The following DAPK1 variants were observed in gnomAD, a reference collection of about 807,000 sequenced individuals.
The protein encoded by DAPK1 is death associated protein kinase 1.
In DAPK1, 56 loss-of-function variants were observed where a neutral mutation model predicts 144.9. The observed-to-expected ratio is 0.39, with a 90% CI of 0.31 to 0.48. DAPK1 has a LOEUF of 0.48. DAPK1 is among the 20% of genes least tolerant of loss of function. The pLI is 0.95. For synonymous variants in DAPK1, 690 were observed against 749.0 expected, an observed-to-expected ratio of 0.92 and a Z score of 1.29; for missense variants, 1,454 against 1,875.4, an observed-to-expected ratio of 0.78 and a Z score of 4.15.
At chr9:87,534,083 AATT>A (rs895989781) in intron 2 of DAPK1, among the ~76,000 whole-genome samples, 8 of 146,546 alleles carry the variant, frequency 5.5e-5, no homozygotes, top group African/African-American at 2.0e-4. Context: ...ATCCTGTGGG[AATT>A]ATTATTCCAA....
intron 2 of DAPK1, among the ~76,000 whole-genome samples, chr9:87,542,363 C>T (rs1351146092): frequency 6.6e-6 from 1 of 152,158 alleles, no homozygotes; most frequent in East Asian, 1.9e-4. Flanking sequence ...GCCCATTTTA[C>T]AGATGAGGAA....
chr9:87,574,446 AT>A (rs1461962001), intron 2 of DAPK1, among the ~76,000 whole-genome samples: 2 of 152,214 alleles, frequency 1.3e-5, no homozygotes, highest in African/African-American at 4.8e-5. Flanking sequence ...CTTCCCAGCC[AT>A]TTTATATATA....
chr9:87,683,081 A>ATTTTT (rs1824699804), intron 20 of DAPK1, among the ~76,000 whole-genome samples: 2 of 109,460 alleles, frequency 1.8e-5, no homozygotes, highest in African/African-American at 5.9e-5. Flanking sequence ...AATTTATTTT[A>ATTTTT]TTTATTTTTT....
At chr9:87,498,135 C>G (rs1824248455) in intron 1 of DAPK1, 28 bp downstream of exon 1, 1 of 396,892 alleles carries the variant, frequency 2.5e-6, no homozygotes, top group South Asian at 1.4e-4. Flanking sequence ...GCTCCCCGGT[C>G]CCCCCGACCC....
rs1376839776 is a variant in DAPK1 at position 87,708,344 on chromosome 9, TG to T, written c.*982del. On this transcript the variant is annotated 3_prime_UTR_variant, in exon 26 of 26. Coordinates refer to ENST00000408954, the MANE Select transcript of DAPK1 (RefSeq NM_004938.4). ...GCAGATGGTTTCCACATTTAGATCC[TG>T]GTTTCATAACTTCCTGTACTTGAAG... 6.5e-6 allele frequency: 1 copy of T among 152,676 alleles called. No homozygotes were observed. The highest frequency in any genetic ancestry group is 1.5e-5 in the Non-Finnish European group (1 of 68,086). 9.5% of individuals were successfully genotyped at this position (152,676 alleles called of 1,614,324 possible).
Position 87,605,005 on chromosome 9 carries a change from G to A in DAPK1, c.114G>A (p.Gln38=), listed in dbSNP as rs36207428. 0.059 allele frequency: 94,504 copies of A among 1,614,018 alleles called. 3,660 individuals carry two copies. Among genetic ancestry groups the A allele is most frequent in the African/African-American group, 0.19 (14,507 of 74,968 alleles). The part of the protein sequence containing the change: ...KKCREKSTGL[Q]YAAKFIKKRR... ...GCCGTGAGAAAAGCACCGGCCTCCA[G>A]TATGCCGCCAAATTCATCAAGAAAA... The change falls in exon 3 of 26, where the codon CAG becomes CAA. Residue 38 remains glutamine (Q), a synonymous_variant. Transcript: ENST00000408954.
At chr9:87,674,514 CAAAA>C (rs35817698) in intron 19 of DAPK1, among the ~76,000 whole-genome samples, 265 of 67,618 alleles carry the variant, frequency 3.9e-3, no homozygotes, top group African/African-American at 0.016. Context: ...GACTCTGTCT[CAAAA>C]AAAAAAAAAA....
At chr9:87,537,468 G>A (rs949661053) in intron 2 of DAPK1, among the ~76,000 whole-genome samples, 2 of 152,006 alleles carry the variant, frequency 1.3e-5, no homozygotes. Context: ...GTATACTTGT[G>A]TATTTTGTAT....
chr9:87,568,574 G>C (rs1197063516), intron 2 of DAPK1, among the ~76,000 whole-genome samples: 1 of 152,218 alleles, frequency 6.6e-6, no homozygotes, highest in Non-Finnish European at 1.5e-5. Flanking sequence ...GTTGGCTAAA[G>C]AGAGTGGGAA....
intron 11 of DAPK1, among the ~76,000 whole-genome samples, chr9:87,643,732 G>A (rs1830176152): frequency 2.0e-5 from 3 of 151,796 alleles, no homozygotes; most frequent in African/African-American, 4.8e-5. Context: ...GCAAACATAA[G>A]CACAGACCAC....
At chr9:87,660,102 AT>A (rs1830788417) in intron 18 of DAPK1, among the ~76,000 whole-genome samples, 1 of 152,080 alleles carries the variant, frequency 6.6e-6, no homozygotes, top group Non-Finnish European at 1.5e-5. Flanking sequence ...TCCCGGGAGG[AT>A]CTCCCTGCCC....
intron 2 of DAPK1, among the ~76,000 whole-genome samples, chr9:87,600,483 C>T (rs1828476988): frequency 1.3e-5 from 2 of 152,082 alleles, no homozygotes; most frequent in African/African-American, 2.4e-5. Flanking sequence ...GTTCCAGCTG[C>T]TCTGGAGGCC....
chr9:87,562,380 G>A (rs1293394387), intron 2 of DAPK1, among the ~76,000 whole-genome samples: 1 of 152,308 alleles, frequency 6.6e-6, no homozygotes, highest in Non-Finnish European at 1.5e-5. Context: ...AATCACATTG[G>A]TGAGGAAGAG....
intron 18 of DAPK1, among the ~76,000 whole-genome samples, chr9:87,658,378 C>G (rs1053881498): frequency 6.6e-6 from 1 of 152,196 alleles, no homozygotes; most frequent in Non-Finnish European, 1.5e-5. Flanking sequence ...TTCCCGCTGG[C>G]CTTTTTGTTT....
chr9:87,576,453 G>A (rs192393526), intron 2 of DAPK1, among the ~76,000 whole-genome samples: 13 of 152,356 alleles, frequency 8.5e-5, no homozygotes, highest in Admixed American at 3.3e-4. Flanking sequence ...TTGGAGGAAG[G>A]AAAGCAGGCT....
chr9:87,694,080 G>A (rs1389441222), intron 21 of DAPK1, among the ~76,000 whole-genome samples: 1 of 152,168 alleles, frequency 6.6e-6, no homozygotes, highest in Non-Finnish European at 1.5e-5. Context: ...GGTAGTAGTA[G>A]CAGTGGGCCA....
chr9:87,639,863 C>A (rs1830035998), intron 7 of DAPK1, 48 bp downstream of exon 7: 1 of 1,594,378 alleles, frequency 6.3e-7, no homozygotes, highest in South Asian at 1.1e-5. Context: ...TCTATGAGAC[C>A]ATAGGTTTAA....
At chr9:87,569,513 T>C (rs1384583547) in intron 2 of DAPK1, among the ~76,000 whole-genome samples, 3 of 152,248 alleles carry the variant, frequency 2.0e-5, no homozygotes, top group Non-Finnish European at 4.4e-5. Context: ...TGTCCTACTT[T>C]TGACAAGCAG....
At chr9:87,652,310 A>T in intron 17 of DAPK1, among the ~76,000 whole-genome samples, 1 of 74,976 alleles carries the variant, frequency 1.3e-5, no homozygotes, top group South Asian at 5.6e-4. Context: ...ACCTGATCCC[A>T]GGTCCTGATT....
Sources: allele counts gnomAD v4.1 joint callset (sites outside exome capture counted in the v4.1 genomes callset), GRCh38; gene constraint gnomAD v4.1.1; transcripts MANE v1.5; gene names NCBI Gene and HGNC (gene_info 2026-07-23, HGNC 2026-07-21).